GABRG3: variants seen among roughly 807,000 people sequenced by gnomAD.
GABRG3 encodes gamma-aminobutyric acid type A receptor subunit gamma3, also known as gamma-aminobutyric acid receptor subunit gamma-3.
A neutral mutation model predicts 48.8 loss-of-function variants in GABRG3; 25 were observed. That is an observed-to-expected ratio of 0.51 (90% CI 0.37 to 0.72). GABRG3 has a LOEUF of 0.72. GABRG3 is among the 30% of genes least tolerant of loss of function. The probability of loss-of-function intolerance (pLI) is 0.00; values close to 1 mark genes in which losing one functional copy is unlikely to be tolerated. For synonymous variants in GABRG3, 227 were observed against 217.6 expected, an observed-to-expected ratio of 1.04 and a Z score of -0.38; for missense variants, 394 against 577.9, an observed-to-expected ratio of 0.68 and a Z score of 3.26.
intron 3 of GABRG3, among the ~76,000 whole-genome samples, chr15:27,255,158 G>C (rs1434683291): frequency 6.6e-6 from 1 of 152,196 alleles, no homozygotes; most frequent in Non-Finnish European, 1.5e-5. Context: ...TGCCAAGCAG[G>C]CAACAAGTTG....
At chr15:27,468,745 T>C (rs1386671922) in intron 5 of GABRG3, among the ~76,000 whole-genome samples, 1 of 152,202 alleles carries the variant, frequency 6.6e-6, no homozygotes, top group Non-Finnish European at 1.5e-5. Flanking sequence ...ATGCTGGCAA[T>C]TTGGATATGC....
At position 27,080,111 on chromosome 15, in the gene GABRG3, A is replaced by G. The variant is rs149256799; in HGVS notation, c.270+53290A>G. Among the ~76,000 whole-genome samples the G allele has an allele frequency of 1.4e-4, 21 of 152,178 alleles. No individual in the cohort carries two copies. In the East Asian group the frequency reaches 2.9e-3, roughly 21 times the overall value. The stretch of plus-strand genomic sequence containing the variant: ...ATGCGTCCTCTCTAAGGTTGCCTCA[A>G]GGCTCCCCAAACCATTTCTGTAGCA... On this transcript the variant is annotated intron_variant, in intron 3 of 9. Coordinates refer to ENST00000615808, the MANE Select transcript of GABRG3 (RefSeq NM_033223.5).
At chr15:27,529,103 G>T (rs1891353989) in intron 9 of GABRG3, among the ~76,000 whole-genome samples, 1 of 152,028 alleles carries the variant, frequency 6.6e-6, no homozygotes, top group African/African-American at 2.4e-5. Context: ...TGAGCACTAT[G>T]CTTGACATTA....
chr15:27,152,959 C>T (rs1898346694), intron 3 of GABRG3, among the ~76,000 whole-genome samples: 1 of 151,040 alleles, frequency 6.6e-6, no homozygotes, highest in African/African-American at 2.4e-5. Context: ...CTCCCGGGTT[C>T]ACGCCGTTCT....
At chr15:27,252,425 C>T (rs149044195) in intron 3 of GABRG3, among the ~76,000 whole-genome samples, 230 of 152,252 alleles carry the variant, frequency 1.5e-3, no homozygotes, top group African/African-American at 5.0e-3. Flanking sequence ...GATGCCATGC[C>T]AGGAGCCACA....
chr15:27,325,598 G>A (rs1419875769), intron 3 of GABRG3, among the ~76,000 whole-genome samples: 2 of 152,114 alleles, frequency 1.3e-5, no homozygotes, highest in Non-Finnish European at 2.9e-5. Context: ...TGTGTGCAGT[G>A]TAAATGACCA....
chr15:27,121,025 C>T (rs1367218863), intron 3 of GABRG3, among the ~76,000 whole-genome samples: 2 of 152,146 alleles, frequency 1.3e-5, no homozygotes, highest in Admixed American at 1.3e-4. Context: ...AGTCTGCTGC[C>T]TTGGGGAAGG....
chr15:27,405,310 A>G (rs1887597291), intron 5 of GABRG3, among the ~76,000 whole-genome samples: 1 of 152,268 alleles, frequency 6.6e-6, no homozygotes, highest in Non-Finnish European at 1.5e-5. Context: ...CATGATCAGT[A>G]GATAATGATA....
chr15:27,149,757 A>G (rs145786377), intron 3 of GABRG3, among the ~76,000 whole-genome samples: 2 of 152,306 alleles, frequency 1.3e-5, no homozygotes, highest in East Asian at 3.9e-4. Flanking sequence ...CAAAACCTTG[A>G]TTTTTGACAA....
At chr15:27,201,756 A>G (rs1052162136) in intron 3 of GABRG3, among the ~76,000 whole-genome samples, 26 of 152,164 alleles carry the variant, frequency 1.7e-4, no homozygotes, top group African/African-American at 6.0e-4. Flanking sequence ...ACAATAATGA[A>G]CTTATAATTC....
At chr15:27,268,874 A>G (rs1890998305) in intron 3 of GABRG3, among the ~76,000 whole-genome samples, 1 of 152,152 alleles carries the variant, frequency 6.6e-6, no homozygotes, top group African/African-American at 2.4e-5. Flanking sequence ...TTCTCACACT[A>G]AGACCCAGAA....
At chr15:27,052,918 ACT>A (rs1207279846) in intron 3 of GABRG3, among the ~76,000 whole-genome samples, 1 of 152,090 alleles carries the variant, frequency 6.6e-6, no homozygotes, top group Non-Finnish European at 1.5e-5. Flanking sequence ...TAGGGAAAGG[ACT>A]CTCTGTTCAG....
intron 5 of GABRG3, chr15:27,364,783 C>G (rs1348396591): frequency 6.6e-6 from 1 of 152,188 alleles, no homozygotes; most frequent in Non-Finnish European, 1.5e-5. Flanking sequence ...GTTTACTGGT[C>G]TACTCAAAGG....
chr15:27,320,379 T>A (rs1436076463), intron 3 of GABRG3, among the ~76,000 whole-genome samples: 2 of 152,080 alleles, frequency 1.3e-5, no homozygotes, highest in Non-Finnish European at 2.9e-5. Flanking sequence ...CCGATGTTAT[T>A]GTCTGTCAAG....
chr15:26,988,985 A>C (rs1455114571), intron 2 of GABRG3, among the ~76,000 whole-genome samples: 1 of 152,140 alleles, frequency 6.6e-6, no homozygotes, highest in East Asian at 1.9e-4. Flanking sequence ...TATATTCACA[A>C]TATTGTGCAG....
intron 6 of GABRG3, among the ~76,000 whole-genome samples, chr15:27,491,686 A>G (rs1397765328): frequency 6.6e-6 from 1 of 152,234 alleles, no homozygotes; most frequent in African/African-American, 2.4e-5. Flanking sequence ...TAAAAATTAT[A>G]TGTCCACGTA....
At chr15:27,443,754 A>G (rs1414724897) in intron 5 of GABRG3, among the ~76,000 whole-genome samples, 2 of 152,138 alleles carry the variant, frequency 1.3e-5, no homozygotes, top group Non-Finnish European at 2.9e-5. Context: ...GGAGCCTTTC[A>G]TCATTAAGTG....
At chr15:27,026,048 A>G (rs1239145789) in intron 2 of GABRG3, among the ~76,000 whole-genome samples, 1 of 152,232 alleles carries the variant, frequency 6.6e-6, no homozygotes, top group East Asian at 1.9e-4. Context: ...CAAGTGAGCC[A>G]GGGTAGCCTC....
At chr15:27,282,594 C>T (rs183685389) in intron 3 of GABRG3, among the ~76,000 whole-genome samples, 4 of 152,142 alleles carry the variant, frequency 2.6e-5, no homozygotes, top group South Asian at 4.1e-4. Flanking sequence ...TTTGTGTATG[C>T]GATTTTTCAT....
Sources: allele counts gnomAD v4.1 joint callset (sites outside exome capture counted in the v4.1 genomes callset), GRCh38; gene constraint gnomAD v4.1.1; transcripts MANE v1.5; gene names NCBI Gene and HGNC (gene_info 2026-07-23, HGNC 2026-07-21).